SLC5A1: variants seen among roughly 807,000 people sequenced by gnomAD.
SLC5A1 encodes the protein sodium/glucose cotransporter 1.
SLC5A1 carries 42 observed loss-of-function variants against 73.5 expected under a neutral mutation model. The observed-to-expected ratio is 0.57, with a 90% confidence interval of 0.45 to 0.74. The LOEUF (loss-of-function observed/expected upper bound fraction) is 0.74. Ranked by LOEUF, SLC5A1 falls within the 30% of genes least tolerant of loss-of-function variation. The pLI is 0.00. For synonymous variants in SLC5A1, 300 were observed against 317.4 expected (o/e 0.95, Z 0.58); for missense variants, 634 against 855.4 (o/e 0.74, Z 3.23).
chr22:32,055,225 C>T, intron 2 of SLC5A1, among the ~76,000 whole-genome samples: 1 of 152,122 alleles, frequency 6.6e-6, no homozygotes, highest in Non-Finnish European at 1.5e-5. Flanking sequence ...GAAAGAGGAC[C>T]ATTGTCCATG....
chr22:32,049,009 G>A (rs2093940756), intron 1 of SLC5A1, among the ~76,000 whole-genome samples: 2 of 151,508 alleles, frequency 1.3e-5, no homozygotes, highest in African/African-American at 4.9e-5. Flanking sequence ...GGCAGAGAGA[G>A]GTTGCAGTGA....
chr22:32,097,339 A>G (rs2149495892), intron 11 of SLC5A1, among the ~76,000 whole-genome samples: 1 of 152,334 alleles, frequency 6.6e-6, no homozygotes, highest in South Asian at 2.1e-4. Flanking sequence ...GGTGGGTGGG[A>G]TATGGAAAAG....
At chr22:32,102,335 T>A in intron 13 of SLC5A1, 98 bp downstream of exon 13, 1 of 852,388 alleles carries the variant, frequency 1.2e-6, no homozygotes. Flanking sequence ...TACATAATAG[T>A]TGTATATAAT....
At position 32,043,453 on chromosome 22, in the gene SLC5A1, G is replaced by A. The variant is rs1324145772; in HGVS notation, c.135+37G>A. ...GTTCTGGGATGCGGGTGGGGAGGGT[G>A]CGCACAGAGGAGGAGCAATGGCCTC... is the stretch of plus-strand genomic sequence containing the variant. On this transcript the variant is annotated intron_variant, in intron 1 of 14. Transcript: ENST00000266088. The surrounding 1 kb of genome is among the most constrained non-coding windows in gnomAD (Gnocchi z 6.5). 1 of 1,610,688 alleles carries A rather than the reference G, an allele frequency of 6.2e-7. No individual in the cohort carries two copies. The highest frequency in any genetic ancestry group is 8.5e-7 in the Non-Finnish European group (1 of 1,178,098).
At chr22:32,073,402 G>T (rs2093985770) in intron 5 of SLC5A1, among the ~76,000 whole-genome samples, 1 of 152,144 alleles carries the variant, frequency 6.6e-6, no homozygotes, top group Admixed American at 6.5e-5. Flanking sequence ...TGGAGTTGGG[G>T]CCAACACCTA....
intron 2 of SLC5A1, among the ~76,000 whole-genome samples, chr22:32,064,896 C>G (rs1290063192): frequency 6.6e-6 from 1 of 152,166 alleles, no homozygotes; most frequent in East Asian, 1.9e-4. Context: ...TAGGTCCTGT[C>G]CCTCTCCTGC....
chr22:32,069,948 T>C (rs376219143), intron 5 of SLC5A1, among the ~76,000 whole-genome samples: 1 of 152,274 alleles, frequency 6.6e-6, no homozygotes, highest in African/African-American at 2.4e-5. Context: ...TCCTTTTCCC[T>C]GCACAAGGCT....
chr22:32,070,510 C>A (rs1439046606), intron 5 of SLC5A1, among the ~76,000 whole-genome samples: 2 of 151,468 alleles, frequency 1.3e-5, no homozygotes, highest in Non-Finnish European at 2.9e-5. Context: ...TTAAAAAATT[C>A]TTTTGTAGAG....
At chr22:32,080,601 T>C (rs2093998190) in intron 5 of SLC5A1, among the ~76,000 whole-genome samples, 1 of 152,166 alleles carries the variant, frequency 6.6e-6, no homozygotes, top group Non-Finnish European at 1.5e-5. Context: ...GTCTGGGTGC[T>C]GTTTGCGTGC....
intron 6 of SLC5A1, among the ~76,000 whole-genome samples, chr22:32,082,320 G>A (rs759292801): frequency 7.2e-5 from 11 of 152,144 alleles, no homozygotes; most frequent in Non-Finnish European, 1.5e-4. Context: ...GGGTGGGCAC[G>A]CAGATGCTCT....
At chr22:32,088,040 G>A (rs2149493224) in intron 10 of SLC5A1, among the ~76,000 whole-genome samples, 1 of 152,232 alleles carries the variant, frequency 6.6e-6, no homozygotes, top group South Asian at 2.1e-4. Flanking sequence ...ATATAAAAAT[G>A]GGAATAATAC....
intron 12 of SLC5A1, 86 bp from the exon 13 acceptor site, chr22:32,101,936 C>A: frequency 1.9e-6 from 2 of 1,034,810 alleles, no homozygotes; most frequent in Non-Finnish European, 3.0e-6. Flanking sequence ...GTTCCTTTGC[C>A]TCTGCCTATG....
At chr22:32,052,769 C>T (rs1352045747) in intron 2 of SLC5A1, among the ~76,000 whole-genome samples, 3 of 151,852 alleles carry the variant, frequency 2.0e-5, no homozygotes, top group Non-Finnish European at 2.9e-5. Context: ...TGCAAGAAGG[C>T]ACTTGACAAA....
chr22:32,107,811 A>G (rs2149499213), intron 14 of SLC5A1, among the ~76,000 whole-genome samples: 1 of 152,232 alleles, frequency 6.6e-6, no homozygotes, highest in South Asian at 2.1e-4. Flanking sequence ...AAACTAAGCT[A>G]TCTTTAGGGA....
chr22:32,060,190 T>C (rs868852984), intron 2 of SLC5A1, among the ~76,000 whole-genome samples: 2,603 of 115,698 alleles, frequency 0.022, 76 homozygotes, highest in African/African-American at 0.066. Flanking sequence ...CACACACATA[T>C]ATATATATAT....
In SLC5A1 at chr22:32,060,052, C is replaced by CACACAT. The variant is rs1450100086; in HGVS notation, c.208-6882_208-6881insCACATA. On this transcript the variant is annotated intron_variant, in intron 2 of 14. Coordinates refer to ENST00000266088, the MANE Select transcript of SLC5A1 (RefSeq NM_000343.4). The stretch of plus-strand genomic sequence containing the variant: ...ACACACACACACACACACACACACA[C>CACACAT]ATATATACACACACATATATATATA... Among the ~76,000 whole-genome samples the CACACAT allele has an allele frequency of 3.0e-3, 344 of 115,614 alleles. 1 individual carries two copies. Among genetic ancestry groups the CACACAT allele is most frequent in the African/African-American group, 9.7e-3 (310 of 31,982 alleles). The allele number at this position is 115,614 out of a possible 152,430, so 75.8% of individuals were successfully genotyped here.
chr22:32,097,668 G>A (rs559313909), intron 11 of SLC5A1, among the ~76,000 whole-genome samples: 72 of 152,198 alleles, frequency 4.7e-4, no homozygotes, highest in Non-Finnish European at 9.0e-4. Context: ...GAAGAAGGAG[G>A]AGAAGAAGAA....
intron 14 of SLC5A1, among the ~76,000 whole-genome samples, chr22:32,108,579 C>T (rs1036559613): frequency 1.3e-5 from 2 of 152,076 alleles, no homozygotes; most frequent in African/African-American, 4.8e-5. Flanking sequence ...TTTTTGACAT[C>T]TACTGTGTCA....
At chr22:32,053,583 A>T (rs1157308784) in intron 2 of SLC5A1, among the ~76,000 whole-genome samples, 1 of 152,086 alleles carries the variant, frequency 6.6e-6, no homozygotes, top group Non-Finnish European at 1.5e-5. Context: ...AGTCCCTGCC[A>T]TCTAGTTAGT....
Sources: allele counts gnomAD v4.1 joint callset (sites outside exome capture counted in the v4.1 genomes callset), GRCh38; gene constraint gnomAD v4.1.1; non-coding constraint Gnocchi (gnomAD v3.1); transcripts MANE v1.5; gene names NCBI Gene and HGNC (gene_info 2026-07-23, HGNC 2026-07-21).